The following SIAH1 variants were observed in gnomAD, a reference collection of about 807,000 sequenced individuals.
The protein encoded by SIAH1 is siah E3 ubiquitin protein ligase 1, also known as E3 ubiquitin-protein ligase SIAH1.
Under a neutral mutation model 20.0 loss-of-function variants are expected in SIAH1, and 2 were observed. The observed-to-expected ratio is 0.10, with a 90% confidence interval of 0.04 to 0.31. SIAH1 has a LOEUF of 0.31. Ranked by LOEUF, SIAH1 falls within the 10% of genes least tolerant of loss-of-function variation. The probability of loss-of-function intolerance (pLI) is 1.00; values close to 1 mark genes in which losing one functional copy is unlikely to be tolerated. For synonymous variants in SIAH1, 118 were observed against 125.3 expected, an observed-to-expected ratio of 0.94 and a Z score of 0.39; for missense variants, 119 against 355.3, an observed-to-expected ratio of 0.33 and a Z score of 5.35.
At position 48,365,168 on chromosome 16, in the gene SIAH1, C is replaced by T. The variant is rs112466720; in HGVS notation, c.-2-2738G>A. ...AGAAAAGGAATCCCAACCACACAGG[C>T]GCCCTGCAGTAGGAACCAAGGACAG... is the stretch of plus-strand genomic sequence containing the variant. On this transcript the variant is annotated intron_variant, in intron 1 of 1. Coordinates refer to ENST00000394725, the MANE Select transcript of SIAH1 (RefSeq NM_003031.4). 1,339 of 492,746 alleles carry T rather than the reference C, an allele frequency of 2.7e-3. 19 individuals are homozygous for T. The highest frequency in any genetic ancestry group is 0.023 in the African/African-American group (1,199 of 52,230). The allele number at this position is 492,746 out of a possible 1,614,324, so 30.5% of individuals were successfully genotyped here.
intron 1 of SIAH1, among the ~76,000 whole-genome samples, chr16:48,375,006 GAT>G (rs1360989051): frequency 6.6e-6 from 1 of 152,168 alleles, no homozygotes; most frequent in Non-Finnish European, 1.5e-5. Flanking sequence ...TAAAGACAAA[GAT>G]AAATGCAAAA....
At chr16:48,387,126 C>T (rs140224820), upstream of SIAH1, 1 of 152,346 alleles carries the variant, frequency 6.6e-6, no homozygotes, top group African/African-American at 2.4e-5. Flanking sequence ...TGCCGCACAC[C>T]AGTCTTGAAG....
At chr16:48,384,079 G>A (rs1006284301) in intron 1 of SIAH1, among the ~76,000 whole-genome samples, 2 of 152,204 alleles carry the variant, frequency 1.3e-5, no homozygotes, top group Non-Finnish European at 2.9e-5. Flanking sequence ...AACCAGTGGA[G>A]CAGGATTTGA....
chr16:48,386,527 A>G (rs1013606865), upstream of SIAH1, among the ~76,000 whole-genome samples: 1 of 152,232 alleles, frequency 6.6e-6, no homozygotes, highest in African/African-American at 2.4e-5. Flanking sequence ...AAATAAAAAT[A>G]GAAAAATCCC....
intron 1 of SIAH1, among the ~76,000 whole-genome samples, chr16:48,384,050 G>T (rs1175929820): frequency 1.3e-5 from 2 of 152,214 alleles, no homozygotes; most frequent in Admixed American, 1.3e-4. Flanking sequence ...GCACAGAGAA[G>T]TATCTGCCCA....
In SIAH1 at chr16:48,362,662, CAT is replaced by C. The variant is rs762531767; in HGVS notation, c.-2-234_-2-233del. The C allele has an allele frequency of 1.7e-4, 85 of 490,146 alleles. No individual in the cohort carries two copies. Among genetic ancestry groups the C allele is most frequent in the Non-Finnish European group, 2.8e-4 (74 of 267,118 alleles). 30.4% of individuals were successfully genotyped at this position (490,146 alleles called of 1,614,324 possible). On this transcript the variant is annotated intron_variant, in intron 1 of 1. Transcript: ENST00000394725. The surrounding 1 kb of genome is among the most constrained non-coding windows in gnomAD (Gnocchi z 4.2). Reference sequence around the variant, plus strand: ...TCTCTTTTCAAAATGTTCCGGAAAACATGTGGAACTCCCTTAATCGTCTTTGG... The same window carrying C: ...TCTCTTTTCAAAATGTTCCGGAAAACGTGGAACTCCCTTAATCGTCTTTGG...
intron 1 of SIAH1, among the ~76,000 whole-genome samples, chr16:48,377,342 A>T (rs956418624): frequency 7.3e-5 from 11 of 151,310 alleles, no homozygotes; most frequent in African/African-American, 2.7e-4. Context: ...TGCCAGCTTT[A>T]TTCTGGTCAT....
chr16:48,384,653 G>A lies in SIAH1; in HGVS notation c.-3+551C>T, dbSNP rs1176135472. Among the ~76,000 whole-genome samples, 5 of 151,028 alleles carry A rather than the reference G, an allele frequency of 3.3e-5. No homozygotes were observed. In the South Asian group the frequency reaches 6.2e-4, roughly 19 times the overall value. ...CCGTCCCGGACGGCTCCAGCCGGGG[G>A]TCGGGGGCAGAGAGCGGAGGCCGAG... On this transcript the variant is annotated intron_variant, in intron 1 of 1. Coordinates refer to ENST00000394725, the MANE Select transcript of SIAH1 (RefSeq NM_003031.4).
chr16:48,371,631 T>C (rs1960988783), intron 1 of SIAH1, among the ~76,000 whole-genome samples: 1 of 152,228 alleles, frequency 6.6e-6, no homozygotes, highest in Admixed American at 6.5e-5. Flanking sequence ...TTTTATTTCA[T>C]ACCACACATT....
chr16:48,373,741 G>A (rs541268769), intron 1 of SIAH1, among the ~76,000 whole-genome samples: 1 of 152,084 alleles, frequency 6.6e-6, no homozygotes. Flanking sequence ...TACACCCTCC[G>A]CTGGCTACCC....
rs1384681264 is a variant in SIAH1 at position 48,360,836 on chromosome 16, T to TA, written c.*743dup. 6.6e-6 allele frequency: 1 copy of TA among 152,330 alleles called. No individual in the cohort carries two copies. The highest frequency in any genetic ancestry group is 1.5e-5 in the Non-Finnish European group (1 of 68,046). 9.4% of individuals were successfully genotyped at this position (152,330 alleles called of 1,614,324 possible). On this transcript the variant is annotated 3_prime_UTR_variant, in exon 2 of 2. Coordinates refer to ENST00000394725, the MANE Select transcript of SIAH1 (RefSeq NM_003031.4). Reference sequence around the variant, plus strand: ...TAGAAGACAGAAAGAGAGCACCTTATAGATGCTTTAAATAGCTTTTGATTA... The same window carrying TA: ...TAGAAGACAGAAAGAGAGCACCTTATAAGATGCTTTAAATAGCTTTTGATTA...
chr16:48,366,064 A>G (rs927360454), intron 1 of SIAH1, among the ~76,000 whole-genome samples: 1 of 152,054 alleles, frequency 6.6e-6, no homozygotes, highest in Non-Finnish European at 1.5e-5. Context: ...CCCCCAGCCA[A>G]AGGCCGGGGG....
chr16:48,386,785 G>T (rs192057992), upstream of SIAH1, among the ~76,000 whole-genome samples: 1 of 152,186 alleles, frequency 6.6e-6, no homozygotes, highest in Non-Finnish European at 1.5e-5. Flanking sequence ...TGGTCGTGAA[G>T]GGCAGAGGAG....
chr16:48,376,637 G>A (rs563137688), intron 1 of SIAH1, among the ~76,000 whole-genome samples: 6 of 152,124 alleles, frequency 3.9e-5, no homozygotes, highest in African/African-American at 1.2e-4. Flanking sequence ...GATTACTGGC[G>A]CCCGGCACTA....
chr16:48,380,722 G>A (rs1330746997), intron 1 of SIAH1, among the ~76,000 whole-genome samples: 2 of 151,500 alleles, frequency 1.3e-5, no homozygotes, highest in African/African-American at 4.8e-5. Context: ...TCAGGAGTTC[G>A]AGACTGACCT....
chr16:48,386,482 G>A (rs375691769), upstream of SIAH1, among the ~76,000 whole-genome samples: 11 of 152,174 alleles, frequency 7.2e-5, no homozygotes, highest in African/African-American at 2.2e-4. Flanking sequence ...ACTCCAGCCT[G>A]GACAACAGAG....
At chr16:48,372,946 C>T (rs373393036) in intron 1 of SIAH1, among the ~76,000 whole-genome samples, 1 of 152,054 alleles carries the variant, frequency 6.6e-6, no homozygotes, top group African/African-American at 2.4e-5. Flanking sequence ...ACAGAGTTGA[C>T]GGATCACTGG....
At chr16:48,384,643 C>G (rs975898314) in intron 1 of SIAH1, among the ~76,000 whole-genome samples, 1 of 151,384 alleles carries the variant, frequency 6.6e-6, no homozygotes, top group African/African-American at 2.4e-5. Context: ...CCGGACGGCT[C>G]CAGCCGGGGG....
At chr16:48,365,829 G>T (rs1960812728) in intron 1 of SIAH1, 3 of 1,248,908 alleles carry the variant, frequency 2.4e-6, no homozygotes, top group Middle Eastern at 3.1e-4. Flanking sequence ...ACGGATGCAG[G>T]GGGCGACGCG....
Sources: gnomAD v4.1 joint callset for allele counts (sites outside exome capture counted in the v4.1 genomes callset) on GRCh38, gnomAD v4.1.1 for gene constraint, Gnocchi (gnomAD v3.1) non-coding constraint, MANE v1.5 for transcripts, NCBI Gene and HGNC (gene_info 2026-07-23, HGNC 2026-07-21) for gene names.